The following RAPGEF1 variants were observed in gnomAD, a reference collection of about 807,000 sequenced individuals.
RAPGEF1 encodes CRK SH3-binding GNRP.
Under a neutral mutation model 143.3 loss-of-function variants are expected in RAPGEF1, and 33 were observed. The ratio of observed to expected loss-of-function variants is 0.23; its 90% CI spans 0.17 to 0.31. The LOEUF (loss-of-function observed/expected upper bound fraction) is 0.31. Among genes scored for constraint, RAPGEF1 ranks in the 10% least tolerant of loss-of-function variants. The pLI is 1.00. For synonymous variants in RAPGEF1, 629 were observed against 676.5 expected (o/e 0.93, Z 1.09); for missense variants, 1,199 against 1,645.4 (o/e 0.73, Z 4.69).
At chr9:131,585,679 A>C (rs1952608153) in intron 22 of RAPGEF1, among the ~76,000 whole-genome samples, 1 of 152,072 alleles carries the variant, frequency 6.6e-6, no homozygotes, top group Non-Finnish European at 1.5e-5. Context: ...TGTGGGGAGG[A>C]AGATAGGCAA....
chr9:131,674,877 A>G (rs1832040121), intron 1 of RAPGEF1, among the ~76,000 whole-genome samples: 2 of 152,124 alleles, frequency 1.3e-5, no homozygotes, highest in Non-Finnish European at 2.9e-5. Context: ...TCAGGGGACA[A>G]GTGCTACACA....
chr9:131,715,895 C>G (rs1388937457), intron 1 of RAPGEF1, among the ~76,000 whole-genome samples: 2 of 145,916 alleles, frequency 1.4e-5, no homozygotes, highest in East Asian at 4.1e-4. Flanking sequence ...AGGTTAAGAA[C>G]TACTGATCTA....
In RAPGEF1 at chr9:131,739,979, C is replaced by T; in HGVS notation, c.-149G>A. The T allele has an allele frequency of 3.9e-6, 1 of 253,636 alleles. No homozygotes were observed. Among genetic ancestry groups the T allele is most frequent in the Non-Finnish European group, 6.1e-6 (1 of 164,668 alleles). 15.7% of individuals were successfully genotyped at this position (253,636 alleles called of 1,614,324 possible). On this transcript the variant is annotated 5_prime_UTR_variant, in exon 1 of 27. Transcript: ENST00000683357. ...CTCGGCGACCGCGCTCCAGCCCGCCCGGGCCCAGCCGCTCCCGCCGCGCCC... is the reference window on the plus strand; with the variant it reads ...CTCGGCGACCGCGCTCCAGCCCGCCTGGGCCCAGCCGCTCCCGCCGCGCCC...
At position 131,584,609 on chromosome 9, in the gene RAPGEF1, A is replaced by G. The variant is rs983721855; in HGVS notation, c.3234-13T>C. The G allele has an allele frequency of 1.9e-5, 31 of 1,613,604 alleles. No homozygotes were observed. Among genetic ancestry groups the G allele is most frequent in the Non-Finnish European group, 2.6e-5 (31 of 1,179,556 alleles). On this transcript the variant is annotated splice_polypyrimidine_tract_variant and intron_variant, in intron 22 of 26. Coordinates refer to ENST00000683357, the MANE Select transcript of RAPGEF1 (RefSeq NM_001377935.1). The surrounding 1 kb of genome is among the most constrained non-coding windows in gnomAD (Gnocchi z 6.8). ...TATGGACCGGACCCTGCATGGACCA[A>G]GGGAAAAAGAAACAGCTGAGTTGAC...
rs1955295477 is a variant in RAPGEF1 at position 131,596,409 on chromosome 9, A to G, written c.2614-36T>C. The stretch of plus-strand genomic sequence containing the variant: ...CACAGCCAAGGAAGGTATGAGGCAG[A>G]GTATGCCCTTCAGAGAATCAGTTTA... On this transcript the variant is annotated intron_variant, in intron 16 of 26. Transcript: ENST00000683357. 2.5e-6 allele frequency: 4 copies of G among 1,599,816 alleles called. No individual in the cohort carries two copies. In the African/African-American group the frequency reaches 5.4e-5, roughly 21 times the overall value.
intron 11 of RAPGEF1, among the ~76,000 whole-genome samples, chr9:131,619,736 C>T (rs1162073043): frequency 6.6e-6 from 1 of 152,178 alleles, no homozygotes; most frequent in South Asian, 2.1e-4. Flanking sequence ...TGGGATGATA[C>T]GTGTGAAGCA....
intron 1 of RAPGEF1, among the ~76,000 whole-genome samples, chr9:131,721,915 C>T (rs938439269): frequency 4.6e-5 from 7 of 152,304 alleles, no homozygotes; most frequent in Non-Finnish European, 1.0e-4. Flanking sequence ...GGGACTTGAG[C>T]ATCTGTGGAT....
In RAPGEF1 at chr9:131,587,267, AACAC is replaced by A. The variant is rs71374113; in HGVS notation, c.3233+465_3233+468del. 5.3e-3 allele frequency among the ~76,000 whole-genome samples: 349 copies of A among 66,124 alleles called. 54 individuals are homozygous for A. Among genetic ancestry groups the A allele is most frequent in the African/African-American group, 0.022 (316 of 14,170 alleles). The allele number at this position is 66,124 out of a possible 152,430, so 43.4% of individuals were successfully genotyped here. On this transcript the variant is annotated intron_variant, in intron 22 of 26. Transcript: ENST00000683357. ...ACCTGCAGAGCGAGACTCCATCTCA[AACAC>A]ACACACACACCTGCAGAGCGAGACT...
At chr9:131,670,763 A>G (rs1288275143) in intron 1 of RAPGEF1, among the ~76,000 whole-genome samples, 1 of 152,206 alleles carries the variant, frequency 6.6e-6, no homozygotes, top group Non-Finnish European at 1.5e-5. Flanking sequence ...ACTATTTTTA[A>G]ACAACCCCAA....
intron 3 of RAPGEF1, among the ~76,000 whole-genome samples, chr9:131,643,802 G>C (rs1054399273): frequency 6.6e-6 from 1 of 152,160 alleles, no homozygotes; most frequent in African/African-American, 2.4e-5. Context: ...TGGTACATCT[G>C]TATCCTGTAA....
intron 1 of RAPGEF1, among the ~76,000 whole-genome samples, chr9:131,737,922 C>T (rs1003272746): frequency 2.0e-5 from 3 of 150,536 alleles, no homozygotes; most frequent in African/African-American, 7.3e-5. Context: ...GAGCCGAGAT[C>T]GCACCACTGC....
chr9:131,632,784 T>C (rs1757033931), intron 5 of RAPGEF1, among the ~76,000 whole-genome samples: 1 of 152,256 alleles, frequency 6.6e-6, no homozygotes, highest in South Asian at 2.1e-4. Context: ...ATCAAGAATA[T>C]ATGTAATACA....
rs1458507905 is a variant in RAPGEF1 at position 131,583,372 on chromosome 9, G to A, written c.3415-670C>T. Among the ~76,000 whole-genome samples, 4 of 152,134 alleles carry A rather than the reference G, an allele frequency of 2.6e-5. No individual in the cohort carries two copies. The East Asian group carries it at 7.7e-4, about 29-fold the overall frequency. On this transcript the variant is annotated intron_variant, in intron 24 of 26. Transcript: ENST00000683357. This position sits in a 1 kb window ranked among gnomAD's most constrained non-coding sequence, Gnocchi z 4.7. ...CTAGCTTACAACCATCCCTGAACAT[G>A]GGCTTGAACAAGAAGACCCTGGGTG...
chr9:131,716,359 T>C (rs1466493378), intron 1 of RAPGEF1, among the ~76,000 whole-genome samples: 1 of 152,250 alleles, frequency 6.6e-6, no homozygotes, highest in Non-Finnish European at 1.5e-5. Context: ...TTACTTGTTG[T>C]TCTTTACAAA....
chr9:131,594,685 G>C (rs1178863651), intron 17 of RAPGEF1, among the ~76,000 whole-genome samples: 1 of 152,172 alleles, frequency 6.6e-6, no homozygotes, highest in Non-Finnish European at 1.5e-5. Flanking sequence ...TAAAACTTTG[G>C]TTCTGGGGAG....
intron 12 of RAPGEF1, among the ~76,000 whole-genome samples, chr9:131,614,140 A>ACC (rs59952563): frequency 0.04 from 5,733 of 142,402 alleles, 183 homozygotes; most frequent in East Asian, 0.094. Context: ...GTGCACCAAC[A>ACC]CCCCCCCCCA....
chr9:131,690,007 T>C (rs1265644004), intron 1 of RAPGEF1, among the ~76,000 whole-genome samples: 1 of 152,250 alleles, frequency 6.6e-6, no homozygotes, highest in Non-Finnish European at 1.5e-5. Flanking sequence ...ATGCGGGCCT[T>C]GTGAGTCTGT....
At chr9:131,664,834 T>A (rs774637562) in intron 1 of RAPGEF1, among the ~76,000 whole-genome samples, 14 of 152,262 alleles carry the variant, frequency 9.2e-5, no homozygotes, top group Non-Finnish European at 1.8e-4. Flanking sequence ...ATATTCAATT[T>A]CAGGATTTTT....
intron 1 of RAPGEF1, among the ~76,000 whole-genome samples, chr9:131,701,392 C>T (rs1834633765): frequency 6.6e-6 from 1 of 152,172 alleles, no homozygotes. Flanking sequence ...GTTTCCCTTT[C>T]CAACATCTGA....
Sources: allele counts gnomAD v4.1 joint callset (sites outside exome capture counted in the v4.1 genomes callset), GRCh38; gene constraint gnomAD v4.1.1; non-coding constraint Gnocchi (gnomAD v3.1); transcripts MANE v1.5; gene names NCBI Gene and HGNC (gene_info 2026-07-23, HGNC 2026-07-21).